TCF4: variants seen among roughly 807,000 people sequenced by gnomAD.
The protein encoded by TCF4 is transcription factor 4.
A neutral mutation model predicts 82.1 loss-of-function variants in TCF4; 3 were observed. That is an observed-to-expected ratio of 0.04 (90% CI 0.02 to 0.09). TCF4 has a LOEUF of 0.09. Among genes scored for constraint, TCF4 ranks in the 10% least tolerant of loss-of-function variants. The pLI, the probability that TCF4 is intolerant of heterozygous loss-of-function variation, is 1.00. For missense variants in TCF4, 518 were observed against 852.7 expected (o/e 0.61, Z 4.89); for synonymous variants, 276 against 309.6 (o/e 0.89, Z 1.14).
At chr18:55,253,300 G>A (rs2055808495) in intron 15 of TCF4, among the ~76,000 whole-genome samples, 1 of 152,064 alleles carries the variant, frequency 6.6e-6, no homozygotes, top group Admixed American at 6.6e-5. Context: ...TTTCCTTTTG[G>A]GACCATGCTT....
intron 6 of TCF4, among the ~76,000 whole-genome samples, chr18:55,354,622 A>G (rs1013870179): frequency 1.3e-5 from 2 of 152,208 alleles, no homozygotes; most frequent in East Asian, 1.9e-4. Context: ...AACTAAAATC[A>G]TCTTGCTCTG....
chr18:55,560,204 C>T (rs2097342936), intron 3 of TCF4, among the ~76,000 whole-genome samples: 1 of 152,092 alleles, frequency 6.6e-6, no homozygotes, highest in Non-Finnish European at 1.5e-5. Context: ...ACAAATGACC[C>T]ATGATGATCC....
intron 3 of TCF4, among the ~76,000 whole-genome samples, chr18:55,529,525 T>C (rs1002185309): frequency 1.3e-5 from 2 of 152,184 alleles, no homozygotes; most frequent in African/African-American, 4.8e-5. Flanking sequence ...CAGTTACAAA[T>C]AATCAAGTTA....
chr18:55,334,189 G>C (rs1242723425), intron 8 of TCF4, among the ~76,000 whole-genome samples: 1 of 151,996 alleles, frequency 6.6e-6, no homozygotes, highest in Non-Finnish European at 1.5e-5. Context: ...ATAATATTAA[G>C]AGCATTATCT....
At chr18:55,302,617 T>C (rs2068687183) in intron 8 of TCF4, 4 of 1,522,000 alleles carry the variant, frequency 2.6e-6, no homozygotes, top group South Asian at 1.2e-5. Flanking sequence ...ATGCTGGATA[T>C]ATGAAACTCA....
chr18:55,531,299 G>A (rs1320854995), intron 3 of TCF4, among the ~76,000 whole-genome samples: 3 of 152,038 alleles, frequency 2.0e-5, no homozygotes, highest in African/African-American at 7.2e-5. Context: ...TCATTATGCT[G>A]GATAAAAAGT....
At chr18:55,418,430 G>C (rs918402057) in intron 5 of TCF4, among the ~76,000 whole-genome samples, 1 of 152,036 alleles carries the variant, frequency 6.6e-6, no homozygotes, top group Non-Finnish European at 1.5e-5. Context: ...AATATGAGAT[G>C]ATTTACTGAA....
At chr18:55,587,435 G>C (rs961664376) in intron 1 of TCF4, among the ~76,000 whole-genome samples, 5 of 136,216 alleles carry the variant, frequency 3.7e-5, no homozygotes, top group South Asian at 2.3e-4. Flanking sequence ...AACCAAATCA[G>C]GGAAAGAAAA....
At chr18:55,463,439 T>C (rs1226281971) in intron 4 of TCF4, among the ~76,000 whole-genome samples, 1 of 152,192 alleles carries the variant, frequency 6.6e-6, no homozygotes, top group Non-Finnish European at 1.5e-5. Flanking sequence ...TCCTATTACA[T>C]TATATTCCTT....
Position 55,577,273 on chromosome 18 carries a change from T to A in TCF4, c.145+8007A>T, listed in dbSNP as rs549752139. ...ATACATATTTATACATATATGTGTA[T>A]ATATACATATATATATATGATGATC... On this transcript the variant is annotated intron_variant, in intron 3 of 19. Coordinates refer to ENST00000354452, the MANE Select transcript of TCF4 (RefSeq NM_001083962.2). 2.4e-3 allele frequency among the ~76,000 whole-genome samples: 347 copies of A among 147,610 alleles called. 3 individuals are homozygous for A. The highest frequency in any genetic ancestry group is 4.1e-3 in the Non-Finnish European group (276 of 67,160).
chr18:55,427,397 T>C (rs1052436538), intron 5 of TCF4, among the ~76,000 whole-genome samples: 2 of 152,186 alleles, frequency 1.3e-5, no homozygotes, highest in African/African-American at 4.8e-5. Context: ...TAGTTACTAT[T>C]AACTACATTA....
intron 3 of TCF4, among the ~76,000 whole-genome samples, chr18:55,542,792 T>C (rs752918468): frequency 6.6e-6 from 1 of 152,008 alleles, no homozygotes; most frequent in Admixed American, 6.6e-5. Context: ...AGAAAGTCTA[T>C]CACCATCTAA....
intron 10 of TCF4, among the ~76,000 whole-genome samples, chr18:55,273,433 C>T (rs1568605011): frequency 6.6e-6 from 1 of 152,098 alleles, no homozygotes; most frequent in Non-Finnish European, 1.5e-5. Flanking sequence ...TTATAAGGAA[C>T]TACCATTATT....
At chr18:55,385,188 C>A (rs1435573722) in intron 6 of TCF4, among the ~76,000 whole-genome samples, 2 of 152,072 alleles carry the variant, frequency 1.3e-5, no homozygotes, top group Non-Finnish European at 2.9e-5. Context: ...TGGCTATCCA[C>A]CTGCAGCACA....
At chr18:55,479,532 G>C (rs557964539) in intron 3 of TCF4, among the ~76,000 whole-genome samples, 1 of 152,136 alleles carries the variant, frequency 6.6e-6, no homozygotes, top group Non-Finnish European at 1.5e-5. Context: ...CTAGGATTTG[G>C]CCAATAAAAT....
At chr18:55,321,926 C>G in intron 8 of TCF4, 1 of 1,394,100 alleles carries the variant, frequency 7.2e-7, no homozygotes, top group African/African-American at 1.4e-5. Context: ...CTGTCAGACG[C>G]TCAACTTTGC....
At chr18:55,405,731 G>C (rs939362905) in intron 5 of TCF4, among the ~76,000 whole-genome samples, 28 of 152,124 alleles carry the variant, frequency 1.8e-4, no homozygotes, top group African/African-American at 6.3e-4. Context: ...AGGAAGAGTG[G>C]AATGCAAAGA....
chr18:55,313,855 T>C (rs1202752496), intron 8 of TCF4, among the ~76,000 whole-genome samples: 2 of 152,168 alleles, frequency 1.3e-5, no homozygotes, highest in South Asian at 2.1e-4. Context: ...CCTAACATCC[T>C]GGCTGATATA....
chr18:55,382,281 A>C (rs996332546), intron 6 of TCF4, among the ~76,000 whole-genome samples: 1 of 152,124 alleles, frequency 6.6e-6, no homozygotes, highest in Non-Finnish European at 1.5e-5. Flanking sequence ...TCACAGCTTT[A>C]GTCAGCATTG....
Sources: allele counts gnomAD v4.1 joint callset (sites outside exome capture counted in the v4.1 genomes callset), GRCh38; gene constraint gnomAD v4.1.1; transcripts MANE v1.5; gene names NCBI Gene and HGNC (gene_info 2026-07-23, HGNC 2026-07-21).